Variants in GFOD2 observed in about 807,000 individuals in gnomAD.
GFOD2 encodes the protein Gfo/Idh/MocA-like oxidoreductase domain containing 2, also known as glucose-fructose oxidoreductase domain-containing protein 2.
In GFOD2, 9 loss-of-function variants were observed where a neutral mutation model predicts 24.6. The observed-to-expected ratio is 0.37, with a 90% CI of 0.22 to 0.64. The LOEUF is 0.64. Ranked by LOEUF, GFOD2 falls within the 30% of genes least tolerant of loss-of-function variation. The pLI is 0.65. For synonymous variants in GFOD2, 211 were observed against 224.8 expected (o/e 0.94, Z 0.55); for missense variants, 476 against 532.5 (o/e 0.89, Z 1.04).
At chr16:67,682,572 T>C (rs1323004830) in intron 2 of GFOD2, 1 of 985,182 alleles carries the variant, frequency 1.0e-6, no homozygotes, top group African/African-American at 1.7e-5. Flanking sequence ...AAATCGGAGG[T>C]AGAAGATGAA....
At position 67,685,565 on chromosome 16, in the gene GFOD2, C is replaced by G. The variant is rs145155253; in HGVS notation, c.151G>C (p.Ala51Pro). 6.2e-7 allele frequency: 1 copy of G among 1,614,016 alleles called. No individual in the cohort carries two copies. The highest frequency in any genetic ancestry group is 1.3e-5 in the African/African-American group (1 of 74,898). The change falls in exon 2 of 3, where the codon GCC becomes CCC. Residue 51 changes from alanine to proline, a missense_variant. Ala to Pro is a conservative substitution (Grantham distance 27). Coordinates refer to ENST00000268797, the MANE Select transcript of GFOD2 (RefSeq NM_030819.4). The stretch of plus-strand genomic sequence containing the variant: ...TCATCAGTCCGGCTGGTGTAGAAGG[C>G]GATGTTCATCTCCTCAGCAAGCTGC... ...AKQLAEEMNI[A>P]FYTSRTDDIL...
At chr16:67,697,057 C>A (rs2053364485) in intron 1 of GFOD2, among the ~76,000 whole-genome samples, 1 of 152,220 alleles carries the variant, frequency 6.6e-6, no homozygotes, top group Non-Finnish European at 1.5e-5. Context: ...CCTGCCAAGA[C>A]CACATACATT....
intron 1 of GFOD2, among the ~76,000 whole-genome samples, chr16:67,689,255 T>A (rs1384381644): frequency 6.8e-6 from 1 of 147,634 alleles, no homozygotes; most frequent in African/African-American, 2.5e-5. Context: ...ACCAGGCTGG[T>A]CTCGAACTCC....
intron 2 of GFOD2, among the ~76,000 whole-genome samples, chr16:67,678,282 GC>G (rs2053197588): frequency 6.6e-6 from 1 of 152,156 alleles, no homozygotes; most frequent in South Asian, 2.1e-4. Context: ...TTTGAGACCA[GC>G]CTAACTAGCA....
At chr16:67,685,118 T>A in intron 2 of GFOD2, 1 of 1,305,096 alleles carries the variant, frequency 7.7e-7, no homozygotes, top group South Asian at 2.0e-5. Flanking sequence ...ACAAACACAC[T>A]AGTCACAACC....
At chr16:67,717,778 G>T (rs1027663164) in intron 1 of GFOD2, among the ~76,000 whole-genome samples, 2 of 137,124 alleles carry the variant, frequency 1.5e-5, no homozygotes, top group Admixed American at 6.9e-5. Flanking sequence ...GTGACAGAGT[G>T]AGACTCCGTC....
intron 2 of GFOD2, chr16:67,685,143 C>A: frequency 7.4e-7 from 1 of 1,360,340 alleles, no homozygotes; most frequent in Non-Finnish European, 9.5e-7. Context: ...CCCCGCCACC[C>A]AGGGCTCTGA....
At chr16:67,682,709 T>C in intron 2 of GFOD2, 2 of 985,344 alleles carry the variant, frequency 2.0e-6, no homozygotes, top group South Asian at 9.4e-5. Context: ...GGGCAAGAAA[T>C]GATCTCGTGG....
At chr16:67,702,072 T>C (rs552751154) in intron 1 of GFOD2, among the ~76,000 whole-genome samples, 15 of 152,124 alleles carry the variant, frequency 9.9e-5, no homozygotes, top group Non-Finnish European at 1.9e-4. Flanking sequence ...GTTCTATGGG[T>C]ATGACAGAAC....
intron 1 of GFOD2, among the ~76,000 whole-genome samples, chr16:67,703,954 T>C (rs2053421384): frequency 6.6e-6 from 1 of 152,220 alleles, no homozygotes; most frequent in African/African-American, 2.4e-5. Flanking sequence ...TGTGCTTCTA[T>C]GTCTGGCTGA....
At chr16:67,704,231 T>C (rs2053423278) in intron 1 of GFOD2, among the ~76,000 whole-genome samples, 1 of 152,232 alleles carries the variant, frequency 6.6e-6, no homozygotes, top group Admixed American at 6.5e-5. Context: ...TAGTTTAATT[T>C]GGGTGACTGT....
intron 1 of GFOD2, among the ~76,000 whole-genome samples, chr16:67,705,194 T>C (rs893104640): frequency 2.0e-5 from 3 of 152,202 alleles, no homozygotes; most frequent in Non-Finnish European, 4.4e-5. Flanking sequence ...AGAATACTTT[T>C]GATCACCTGC....
intron 1 of GFOD2, among the ~76,000 whole-genome samples, chr16:67,694,738 G>C (rs185503638): frequency 6.6e-6 from 1 of 152,098 alleles, no homozygotes; most frequent in Non-Finnish European, 1.5e-5. Flanking sequence ...TGTACTGCTC[G>C]ATTCTATCTG....
intron 1 of GFOD2, among the ~76,000 whole-genome samples, chr16:67,692,227 G>T (rs1215382441): frequency 1.5e-5 from 2 of 133,192 alleles, no homozygotes; most frequent in Admixed American, 7.4e-5. Context: ...AATGAACTTG[G>T]TAAAAAAAAA....
intron 1 of GFOD2, among the ~76,000 whole-genome samples, chr16:67,708,068 CTTG>C (rs1447016726): frequency 6.6e-6 from 1 of 152,126 alleles, no homozygotes; most frequent in East Asian, 1.9e-4. Context: ...TGTTCTGTAT[CTTG>C]TTTGGTGCTT....
At chr16:67,680,252 G>A (rs1202471655) in intron 2 of GFOD2, among the ~76,000 whole-genome samples, 2 of 152,136 alleles carry the variant, frequency 1.3e-5, no homozygotes, top group Non-Finnish European at 1.5e-5. Context: ...GGGTGAGGTG[G>A]CTCACAGGTG....
At chr16:67,690,842 C>T (rs1412015814) in intron 1 of GFOD2, among the ~76,000 whole-genome samples, 3 of 152,110 alleles carry the variant, frequency 2.0e-5, no homozygotes, top group Non-Finnish European at 4.4e-5. Flanking sequence ...AAACACCATA[C>T]GGTCCCTTTG....
intron 2 of GFOD2, chr16:67,681,946 A>T: frequency 1.1e-6 from 1 of 940,524 alleles, no homozygotes; most frequent in Non-Finnish European, 1.3e-6. Context: ...TTGGGGGGCC[A>T]AAGTAGGATG....
chr16:67,711,701 C>CACAATGCCTTCATCTCAGAAACTG (rs2053475037), intron 1 of GFOD2, among the ~76,000 whole-genome samples: 1 of 152,158 alleles, frequency 6.6e-6, no homozygotes, highest in Admixed American at 6.5e-5. Flanking sequence ...ATACTCTTCC[C>CACAATGCCTTCATCTCAGAAACTG]ACAATGCCTT....
Sources: gnomAD v4.1 joint callset for allele counts (sites outside exome capture counted in the v4.1 genomes callset) on GRCh38, gnomAD v4.1.1 for gene constraint, MANE v1.5 for transcripts, NCBI Gene and HGNC (gene_info 2026-07-23, HGNC 2026-07-21) for gene names.